DTNB: variants seen among roughly 807,000 people sequenced by gnomAD.
DTNB encodes dystrobrevin beta, also known as DTN-B.
Under a neutral mutation model 90.7 loss-of-function variants are expected in DTNB, and 63 were observed. The observed-to-expected ratio is 0.69, with a 90% CI of 0.57 to 0.86. DTNB has a LOEUF of 0.86. Among genes scored for constraint, DTNB ranks in the 40% least tolerant of loss-of-function variants. The probability of loss-of-function intolerance (pLI) is 0.00; values close to 1 mark genes in which losing one functional copy is unlikely to be tolerated. For missense variants in DTNB, 744 were observed against 807.1 expected, an observed-to-expected ratio of 0.92 and a Z score of 0.95; for synonymous variants, 277 against 286.7, an observed-to-expected ratio of 0.97 and a Z score of 0.34.
chr2:25,478,842 C>G (rs753913208), intron 10 of DTNB, among the ~76,000 whole-genome samples: 1 of 152,144 alleles, frequency 6.6e-6, no homozygotes, highest in Non-Finnish European at 1.5e-5. Context: ...AGCACAACCC[C>G]TGGAGGGGCA....
chr2:25,556,170 C>CATTTTT (rs530089968), intron 8 of DTNB, among the ~76,000 whole-genome samples: 28 of 105,558 alleles, frequency 2.7e-4, no homozygotes, highest in African/African-American at 1.1e-3. Context: ...GGCCATCTCT[C>CATTTTT]TTTTTTTTTT....
intron 16 of DTNB, among the ~76,000 whole-genome samples, chr2:25,412,286 G>A (rs528930823): frequency 6.6e-6 from 1 of 152,138 alleles, no homozygotes; most frequent in African/African-American, 2.4e-5. Context: ...CTGTAGGTGG[G>A]TATTTGTCTG....
In DTNB at chr2:25,628,325, G is replaced by T; in HGVS notation, c.208C>A (p.Leu70Met). 1 of 1,611,622 alleles carries T rather than the reference G, an allele frequency of 6.2e-7. No individual in the cohort carries two copies. The highest frequency in any genetic ancestry group is 8.5e-7 in the Non-Finnish European group (1 of 1,179,182). Residue 70 changes from leucine (L) to methionine (M), a missense_variant, in exon 4 of 21, where the codon CTG becomes ATG. Leu to Met is a conservative substitution (Grantham distance 15, BLOSUM62 2). Transcript: ENST00000406818. The stretch of plus-strand genomic sequence containing the variant: ...ACACTGATCTCGGTGGTATGGTCCA[G>T]TGTATTAAGGCCATTGTCTCGGAAG... Reference protein sequence around the residue: ...EAFRDNGLNTLDHTTEISVSR... With the variant: ...EAFRDNGLNTMDHTTEISVSR...
intron 9 of DTNB, among the ~76,000 whole-genome samples, chr2:25,498,425 T>C (rs1258551128): frequency 6.6e-6 from 1 of 152,044 alleles, no homozygotes; most frequent in East Asian, 1.9e-4. Context: ...AGCTGATTCA[T>C]ATCAGAAATA....
At chr2:25,430,276 A>C (rs1213802311) in intron 14 of DTNB, among the ~76,000 whole-genome samples, 1 of 152,172 alleles carries the variant, frequency 6.6e-6, no homozygotes, top group Non-Finnish European at 1.5e-5. Flanking sequence ...ACCAGATTAT[A>C]AGTTTTTAGG....
chr2:25,527,450 G>A (rs567217380), intron 9 of DTNB, among the ~76,000 whole-genome samples: 2 of 152,120 alleles, frequency 1.3e-5, no homozygotes, highest in Non-Finnish European at 2.9e-5. Context: ...TTGAACCCGG[G>A]AGGGGGAGGT....
intron 1 of DTNB, among the ~76,000 whole-genome samples, chr2:25,653,864 A>T (rs141775769): frequency 2.2e-4 from 34 of 152,190 alleles, no homozygotes; most frequent in Admixed American, 2.0e-3. Context: ...GTGTGGGAAG[A>T]GGGAAGATGC....
rs566807295 is a variant in DTNB at position 25,504,489 on chromosome 2, A to AGAAAGAAG, written c.1002-21624_1002-21617dup. On this transcript the variant is annotated intron_variant, in intron 9 of 20. Transcript: ENST00000406818. ...GGAAGGAAGGAAAGAAGGAAAGACA[A>AGAAAGAAG]GAAAGAAGGAAAGAAGGAAAGGCAA... Among the ~76,000 whole-genome samples, 1,445 of 151,170 alleles carry AGAAAGAAG rather than the reference A, an allele frequency of 9.6e-3. 8 individuals are homozygous for AGAAAGAAG. The highest frequency in any genetic ancestry group is 0.016 in the Non-Finnish European group (1,110 of 67,666).
At chr2:25,423,217 AAAG>A (rs938700899) in intron 15 of DTNB, among the ~76,000 whole-genome samples, 2 of 152,128 alleles carry the variant, frequency 1.3e-5, no homozygotes, top group African/African-American at 2.4e-5. Flanking sequence ...ACAAAAAAAC[AAAG>A]AAGGAGGGTC....
intron 18 of DTNB, among the ~76,000 whole-genome samples, chr2:25,384,410 G>T (rs2149516046): frequency 6.6e-6 from 1 of 152,306 alleles, no homozygotes; most frequent in Middle Eastern, 3.4e-3. Flanking sequence ...TTTTCCAGGG[G>T]ACACTCAAGA....
intron 10 of DTNB, among the ~76,000 whole-genome samples, chr2:25,458,162 G>A (rs1273771778): frequency 5.3e-5 from 8 of 152,062 alleles, no homozygotes; most frequent in Middle Eastern, 3.2e-3. Flanking sequence ...GTTCTCAAAC[G>A]GCTGGCTGAA....
intron 4 of DTNB, among the ~76,000 whole-genome samples, chr2:25,623,151 T>C (rs761388000): frequency 6.6e-6 from 1 of 152,146 alleles, no homozygotes; most frequent in Non-Finnish European, 1.5e-5. Context: ...CTTCTGGTAA[T>C]AGCACCCTAG....
chr2:25,439,385 C>T (rs1189707737), intron 12 of DTNB, among the ~76,000 whole-genome samples: 2 of 152,006 alleles, frequency 1.3e-5, no homozygotes, highest in Non-Finnish European at 2.9e-5. Context: ...TGCCTGTAGT[C>T]CCAGCTACTA....
chr2:25,526,412 TG>T (rs2077202283), intron 9 of DTNB, among the ~76,000 whole-genome samples: 1 of 138,712 alleles, frequency 7.2e-6, no homozygotes, highest in Non-Finnish European at 1.5e-5. Flanking sequence ...TTTTTTTAAT[TG>T]AGACAGAGTT....
chr2:25,404,080 A>AC (rs930021398), intron 16 of DTNB, among the ~76,000 whole-genome samples: 2 of 151,506 alleles, frequency 1.3e-5, no homozygotes, highest in Non-Finnish European at 2.9e-5. Flanking sequence ...ATCATGAAAC[A>AC]CCCCCCACAC....
chr2:25,650,728 A>G (rs150549570), intron 2 of DTNB, among the ~76,000 whole-genome samples: 2,097 of 152,352 alleles, frequency 0.014, 32 homozygotes, highest in African/African-American at 0.048. Flanking sequence ...TGGGAGGCCA[A>G]GACAGGCGGA....
rs1054294439 is a variant in DTNB, at chr2:25,634,971, G to A, written c.148+4043C>T. ...GAAAACCAGAGACCTTTGTTCACTT[G>A]TTTATCTGCTGACCTTCCCTCCACT... On this transcript the variant is annotated intron_variant, in intron 3 of 20. Coordinates refer to ENST00000406818, the MANE Select transcript of DTNB (RefSeq NM_021907.5). Among the ~76,000 whole-genome samples, 25 of 135,886 alleles carry A rather than the reference G, an allele frequency of 1.8e-4. 1 individual carries two copies. In the East Asian group the frequency reaches 4.8e-3, roughly 26 times the overall value. The allele number at this position is 135,886 out of a possible 152,430, so 89.1% of individuals were successfully genotyped here.
At chr2:25,661,557 T>C (rs754129887) in intron 1 of DTNB, among the ~76,000 whole-genome samples, 11 of 152,242 alleles carry the variant, frequency 7.2e-5, no homozygotes, top group Non-Finnish European at 1.5e-4. Context: ...GAAGGGGCTA[T>C]GACTGGGATG....
At chr2:25,528,312 AC>A (rs2077535313) in intron 9 of DTNB, among the ~76,000 whole-genome samples, 1 of 152,220 alleles carries the variant, frequency 6.6e-6, no homozygotes, top group Non-Finnish European at 1.5e-5. Flanking sequence ...CAAATAACAT[AC>A]TAAATGAATG....
Sources: gnomAD v4.1 joint callset for allele counts (sites outside exome capture counted in the v4.1 genomes callset) on GRCh38, gnomAD v4.1.1 for gene constraint, MANE v1.5 for transcripts, NCBI Gene and HGNC (gene_info 2026-07-23, HGNC 2026-07-21) for gene names.